Variants in STK33 observed in about 807,000 individuals in gnomAD.
The protein encoded by STK33 is serine/threonine kinase 33, also known as serine/threonine-protein kinase 33.
A neutral mutation model predicts 58.0 loss-of-function variants in STK33; 52 were observed. The ratio of observed to expected loss-of-function variants is 0.90; its 90% CI spans 0.72 to 1.13. The LOEUF is 1.13. Among genes scored for constraint, STK33 ranks in the 50% most tolerant of loss-of-function variants. The pLI is 0.00. For synonymous variants in STK33, 215 were observed against 200.1 expected, an observed-to-expected ratio of 1.07 and a Z score of -0.63; for missense variants, 630 against 604.2, an observed-to-expected ratio of 1.04 and a Z score of -0.45.
Position 8,413,529 on chromosome 11 carries a change from G to A in STK33, c.1310C>T (p.Ala437Val), listed in dbSNP as rs773408144. ...CTCCTCTTCATCTGAAGTGTAATTG[G>A]CATCAGGGACATTTCCCCAGGGTTG... ...SYQPWGNVPD[A>V]NYTSDEEEEK... is the part of the protein sequence containing the mutation. The change falls in exon 15 of 16, where the codon GCC (alanine) becomes GTC (valine). Residue 437 changes from alanine (A) to valine (V), a missense_variant. Physicochemically the swap from Ala to Val is moderately conservative, Grantham distance 64. Coordinates refer to ENST00000687296, the MANE Select transcript of STK33 (RefSeq NM_001352389.2). 4 of 1,613,842 alleles carry A rather than the reference G, an allele frequency of 2.5e-6. No homozygotes were observed. In the South Asian group the frequency reaches 4.4e-5, roughly 18 times the overall value.
At chr11:8,382,866 AGACCCAACCCCAGAGCGCT>A in the STK33 span, among the ~76,000 whole-genome samples, 1 of 152,218 alleles carries the variant, frequency 6.6e-6, no homozygotes, top group Non-Finnish European at 1.5e-5. Flanking sequence ...TCTGTGACTC[AGACCCAACCCCAGAGCGCT>A]GACTCAACAC....
chr11:8,421,033 T>A (rs1941849344), intron 14 of STK33, among the ~76,000 whole-genome samples: 1 of 152,058 alleles, frequency 6.6e-6, no homozygotes, highest in Admixed American at 6.6e-5. Flanking sequence ...TTGTTTTAAC[T>A]TTCATAATAT....
intron 14 of STK33, among the ~76,000 whole-genome samples, chr11:8,423,576 T>C (rs1258750534): frequency 6.6e-6 from 1 of 152,080 alleles, no homozygotes; most frequent in African/African-American, 2.4e-5. Context: ...AACTGCGTAT[T>C]ATTAGAGAAC....
At chr11:8,405,778 A>T (rs541112126) in intron 15 of STK33, among the ~76,000 whole-genome samples, 1 of 152,102 alleles carries the variant, frequency 6.6e-6, no homozygotes, top group East Asian at 1.9e-4. Context: ...TATATCTACT[A>T]TTGTTCTAGC....
At chr11:8,358,188 C>T in the STK33 span, among the ~76,000 whole-genome samples, 14 of 152,354 alleles carry the variant, frequency 9.2e-5, no homozygotes, top group East Asian at 5.8e-4. Flanking sequence ...GCCGCAGAGC[C>T]GGGCTGAACC....
At chr11:8,430,811 T>C (rs1283140078) in intron 14 of STK33, among the ~76,000 whole-genome samples, 2 of 152,056 alleles carry the variant, frequency 1.3e-5, no homozygotes, top group African/African-American at 4.8e-5. Flanking sequence ...ATACCAATAA[T>C]TGAATACTGA....
At chr11:8,388,471 G>A (rs1168782264), downstream of STK33, among the ~76,000 whole-genome samples, 2 of 152,212 alleles carry the variant, frequency 1.3e-5, no homozygotes, top group African/African-American at 2.4e-5. Flanking sequence ...AATCAAAATC[G>A]GTTCTCAGCC....
intron 1 of STK33, among the ~76,000 whole-genome samples, chr11:8,535,137 CCA>C (rs1954894328): frequency 6.6e-6 from 1 of 152,110 alleles, no homozygotes; most frequent in African/African-American, 2.4e-5. Flanking sequence ...GAACGTGTCA[CCA>C]CAGTGTCTGG....
intron 1 of STK33, among the ~76,000 whole-genome samples, chr11:8,494,398 G>C (rs1206358019): frequency 6.6e-6 from 1 of 152,114 alleles, no homozygotes; most frequent in Non-Finnish European, 1.5e-5. Context: ...GGATGTGAAG[G>C]ACCTCTTCAA....
chr11:8,381,722 G>A, the STK33 span, among the ~76,000 whole-genome samples: 3 of 152,076 alleles, frequency 2.0e-5, no homozygotes, highest in African/African-American at 7.2e-5. Flanking sequence ...CACCTCCAAC[G>A]ATGCCTGTCA....
intron 1 of STK33, among the ~76,000 whole-genome samples, chr11:8,574,654 A>T (rs534633953): frequency 6.6e-6 from 1 of 152,310 alleles, no homozygotes; most frequent in South Asian, 2.1e-4. Flanking sequence ...AAGACACTGC[A>T]AGTACATATA....
At chr11:8,337,634 ACGG>A in the STK33 span, among the ~76,000 whole-genome samples, 1 of 38,970 alleles carries the variant, frequency 2.6e-5, no homozygotes, top group Non-Finnish European at 4.7e-5. Flanking sequence ...GAGCTTGACG[ACGG>A]CGGGGGGCGG....
chr11:8,584,960 T>G (rs2141428559), intron 1 of STK33, among the ~76,000 whole-genome samples: 1 of 150,282 alleles, frequency 6.7e-6, no homozygotes, highest in South Asian at 2.1e-4. Flanking sequence ...AGTATCACTG[T>G]CCCCCAGGCT....
At chr11:8,403,928 A>G (rs965575678) in intron 15 of STK33, among the ~76,000 whole-genome samples, 5 of 152,214 alleles carry the variant, frequency 3.3e-5, no homozygotes, top group African/African-American at 1.2e-4. Context: ...AACTGTTAGC[A>G]TTTCTCTGAA....
intron 8 of STK33, 83 bp downstream of exon 8, chr11:8,461,722 C>T (rs1291979146): frequency 3.5e-6 from 4 of 1,132,190 alleles, no homozygotes; most frequent in African/African-American, 3.2e-5. Flanking sequence ...CAACTGTGCC[C>T]CAAAGGGATT....
intron 1 of STK33, among the ~76,000 whole-genome samples, chr11:8,557,232 C>T (rs1350513428): frequency 1.7e-5 from 1 of 59,534 alleles, no homozygotes; most frequent in Non-Finnish European, 2.9e-5. Flanking sequence ...CCGTAGGCAA[C>T]AGAGGGGGAC....
chr11:8,377,772 T>C, the STK33 span, among the ~76,000 whole-genome samples: 1 of 152,172 alleles, frequency 6.6e-6, no homozygotes, highest in African/African-American at 2.4e-5. Context: ...AAGTCTCAGG[T>C]AATAAAATCA....
At chr11:8,391,623 A>G (rs1359669451), downstream of STK33, among the ~76,000 whole-genome samples, 1 of 152,190 alleles carries the variant, frequency 6.6e-6, no homozygotes, top group African/African-American at 2.4e-5. Flanking sequence ...TTTCTTTAGA[A>G]TTTGCTTTGG....
intron 1 of STK33, among the ~76,000 whole-genome samples, chr11:8,492,124 G>A (rs1311145627): frequency 6.6e-6 from 1 of 152,132 alleles, no homozygotes; most frequent in South Asian, 2.1e-4. Flanking sequence ...TGGGCTAAAT[G>A]CCCCAATTAA....
Sources: gnomAD v4.1 joint callset for allele counts (sites outside exome capture counted in the v4.1 genomes callset) on GRCh38, gnomAD v4.1.1 for gene constraint, MANE v1.5 for transcripts, NCBI Gene and HGNC (gene_info 2026-07-23, HGNC 2026-07-21) for gene names.